Variants in ABCB5 observed in about 807,000 individuals in gnomAD.
ABCB5 encodes the protein ATP binding cassette subfamily B member 5.
Under a neutral mutation model 144.2 loss-of-function variants are expected in ABCB5, and 155 were observed. The observed-to-expected ratio is 1.08, with a 90% CI of 0.94 to 1.23. The LOEUF (loss-of-function observed/expected upper bound fraction) is 1.23. ABCB5 is among the 50% of genes most tolerant of loss of function. ABCB5 has a pLI of 0.00. For synonymous variants in ABCB5, 610 were observed against 528.6 expected, an observed-to-expected ratio of 1.15 and a Z score of -2.11; for missense variants, 1,830 against 1,520.8, an observed-to-expected ratio of 1.20 and a Z score of -3.38.
Position 20,658,603 on chromosome 7 carries a change from T to C in ABCB5, c.1634T>C (p.Ile545Thr). ...CGTGCCTTAGTTCGAAACCCCAAGATTCTGATTTTAGATGAGGCTACGTCT... is the reference window on the plus strand; with the variant it reads ...CGTGCCTTAGTTCGAAACCCCAAGACTCTGATTTTAGATGAGGCTACGTCT... Reference protein sequence around the residue: ...IARALVRNPKILILDEATSAL... With the variant: ...IARALVRNPKTLILDEATSAL... The change falls in exon 14 of 28, where the codon ATT becomes ACT. Residue 545 changes from isoleucine to threonine, a missense_variant. Physicochemically the swap from Ile to Thr is moderately conservative, Grantham distance 89 (BLOSUM62 -1). Transcript: ENST00000404938. The C allele has an allele frequency of 6.2e-7, 1 of 1,614,104 alleles. No individual in the cohort carries two copies. The highest frequency in any genetic ancestry group is 8.5e-7 in the Non-Finnish European group (1 of 1,180,006).
chr7:20,658,976 C>T, intron 14 of ABCB5: 1 of 1,440,424 alleles, frequency 6.9e-7, no homozygotes, highest in Non-Finnish European at 9.8e-7. Flanking sequence ...AGTGGCCCAC[C>T]ACTATCATCA....
intron 1 of ABCB5, among the ~76,000 whole-genome samples, chr7:20,620,630 A>C (rs1487545019): frequency 3.9e-5 from 6 of 152,156 alleles, no homozygotes; most frequent in Admixed American, 6.6e-5. Context: ...ATGAGCAGTA[A>C]GCATATGAGA....
At chr7:20,730,887 C>T (rs1183767190) in intron 23 of ABCB5, among the ~76,000 whole-genome samples, 1 of 152,080 alleles carries the variant, frequency 6.6e-6, no homozygotes, top group Non-Finnish European at 1.5e-5. Context: ...CCCCAGGGCC[C>T]CGTTCCTTCT....
chr7:20,663,899 AG>A lies in ABCB5; in HGVS notation c.1707+5224del, dbSNP rs1198014516. Among the ~76,000 whole-genome samples, 14 of 152,100 alleles carry A rather than the reference AG, an allele frequency of 9.2e-5. No individual in the cohort carries two copies. The East Asian group carries it at 2.7e-3, about 29-fold the overall frequency. ...CCCGGCTAATTTTTATATTTTTGGT[AG>A]AAATGGGGTTTCACCATGTTGGTCA... On this transcript the variant is annotated intron_variant, in intron 14 of 27. Transcript: ENST00000404938.
At chr7:20,694,156 G>A in intron 16 of ABCB5, among the ~76,000 whole-genome samples, 1 of 149,134 alleles carries the variant, frequency 6.7e-6, no homozygotes, top group Non-Finnish European at 1.5e-5. Context: ...ATCAAAATTA[G>A]ACAATGAGAT....
At chr7:20,712,408 T>C (rs1182859647) in intron 20 of ABCB5, among the ~76,000 whole-genome samples, 3 of 149,272 alleles carry the variant, frequency 2.0e-5, no homozygotes, top group Non-Finnish European at 4.5e-5. Flanking sequence ...TATGGGCTTA[T>C]AGTTTTCACC....
Position 20,646,087 on chromosome 7 carries a change from C to A in ABCB5, c.930C>A (p.Thr310=). 6.2e-7 allele frequency: 1 copy of A among 1,613,728 alleles called. No individual in the cohort carries two copies. The highest frequency in any genetic ancestry group is 8.5e-7 in the Non-Finnish European group (1 of 1,179,766). The part of the protein sequence containing the change: ...GTYGLAFWYG[T]SLILNGEPGY... Reference sequence around the variant, plus strand: ...ATGGACTTGCTTTTTGGTATGGAACCTCCTTGATTCTTAATGGAGAACCTG... The same window carrying A: ...ATGGACTTGCTTTTTGGTATGGAACATCCTTGATTCTTAATGGAGAACCTG... Residue 310 remains threonine, a synonymous_variant, in exon 9 of 28, where the codon ACC becomes ACA. Transcript: ENST00000404938.
At chr7:20,691,170 T>TC in intron 16 of ABCB5, among the ~76,000 whole-genome samples, 1 of 6,744 alleles carries the variant, frequency 1.5e-4, no homozygotes, top group African/African-American at 5.5e-4. Flanking sequence ...CCAGTGGACT[T>TC]TTTTTTTTTT....
At chr7:20,690,139 T>A (rs1004636203) in intron 16 of ABCB5, among the ~76,000 whole-genome samples, 12 of 152,152 alleles carry the variant, frequency 7.9e-5, no homozygotes, top group African/African-American at 2.9e-4. Context: ...AATCACAACT[T>A]TTTCCCCCCA....
intron 26 of ABCB5, among the ~76,000 whole-genome samples, chr7:20,748,369 T>C (rs1258069813): frequency 2.9e-5 from 2 of 69,994 alleles, no homozygotes; most frequent in African/African-American, 1.8e-4. Flanking sequence ...TAATTTTATC[T>C]GAAGGTGTAG....
chr7:20,679,412 A>T (rs1256326821), intron 14 of ABCB5, among the ~76,000 whole-genome samples: 1 of 142,060 alleles, frequency 7.0e-6, no homozygotes, highest in East Asian at 2.2e-4. Flanking sequence ...CAGCTGTTGC[A>T]GTGAGCTGAG....
At chr7:20,728,535 CTT>C in intron 23 of ABCB5, 80 bp downstream of exon 23, 7 of 1,495,008 alleles carry the variant, frequency 4.7e-6, no homozygotes, top group Non-Finnish European at 5.4e-6. Context: ...GGGTGGATCA[CTT>C]GAGGTCAGGA....
At chr7:20,617,902 T>C (rs796997366) in intron 1 of ABCB5, among the ~76,000 whole-genome samples, 16 of 152,124 alleles carry the variant, frequency 1.1e-4, no homozygotes, top group African/African-American at 3.9e-4. Context: ...AACAGTCAAA[T>C]CACCAAGAAG....
rs1199770881 is a variant in ABCB5, at chr7:20,643,185, T to C, written c.316T>C (p.Leu106=). 1.2e-6 allele frequency: 2 copies of C among 1,605,292 alleles called. No homozygotes were observed. The highest frequency in any genetic ancestry group is 4.5e-5 in the East Asian group (2 of 44,744). ...QEKLNEDMTL[L]TLYYVGIGVA... ...CACATTCTAATACTCTTTCTTCAGG[T>C]TGACCCTGTATTATGTTGGAATAGG... Residue 106 remains leucine, a splice_region_variant and synonymous_variant, in exon 6 of 28, where the codon TTG becomes CTG. Transcript: ENST00000404938.
At chr7:20,662,217 T>C (rs879337096) in intron 14 of ABCB5, among the ~76,000 whole-genome samples, 2 of 152,194 alleles carry the variant, frequency 1.3e-5, no homozygotes, top group Non-Finnish European at 2.9e-5. Flanking sequence ...GGAAGAGTTA[T>C]CATCACAATA....
At chr7:20,744,281 T>A (rs1782652082) in intron 25 of ABCB5, among the ~76,000 whole-genome samples, 2 of 152,120 alleles carry the variant, frequency 1.3e-5, no homozygotes, top group African/African-American at 2.4e-5. Context: ...TTAACCAGGG[T>A]GGTCTTGAAC....
intron 14 of ABCB5, among the ~76,000 whole-genome samples, chr7:20,662,973 A>G (rs1785050489): frequency 6.6e-6 from 1 of 152,212 alleles, no homozygotes; most frequent in Non-Finnish European, 1.5e-5. Context: ...GGATGATAAC[A>G]GCTAATCCTC....
rs1056983235 is a variant in ABCB5, at chr7:20,646,048, T to C, written c.891T>C (p.Phe297=). The C allele has an allele frequency of 8.1e-6, 13 of 1,613,788 alleles. No homozygotes were observed. In the African/African-American group the frequency reaches 1.5e-4, roughly 18 times the overall value. ...SKVSLGAVYF[F]MNGTYGLAFW... is the part of the protein sequence containing the mutation. The stretch of plus-strand genomic sequence containing the variant: ...TGTCTCTTGGTGCTGTGTACTTCTT[T>C]ATGAATGGAACCTATGGACTTGCTT... Residue 297 remains phenylalanine (F), a synonymous_variant, in exon 9 of 28, where the codon TTT becomes TTC. Transcript: ENST00000404938.
chr7:20,728,283 C>T (rs372339833), intron 22 of ABCB5, 32 bp from the exon 23 acceptor site: 64 of 1,607,100 alleles, frequency 4.0e-5, no homozygotes, highest in Non-Finnish European at 4.8e-5. Context: ...ATAATTCATG[C>T]CTCATTATTT....
Sources: allele counts gnomAD v4.1 joint callset (sites outside exome capture counted in the v4.1 genomes callset), GRCh38; gene constraint gnomAD v4.1.1; transcripts MANE v1.5; gene names NCBI Gene and HGNC (gene_info 2026-07-23, HGNC 2026-07-21).